Variants in TMEM126A observed in about 807,000 individuals in gnomAD.
TMEM126A encodes transmembrane protein 126A.
A neutral mutation model predicts 18.3 loss-of-function variants in TMEM126A; 10 were observed. The observed-to-expected ratio is 0.55, with a 90% CI of 0.34 to 0.93. The LOEUF is 0.93. Ranked by LOEUF, TMEM126A falls within the 40% of genes least tolerant of loss-of-function variation. The pLI, the probability that TMEM126A is intolerant of heterozygous loss-of-function variation, is 0.02. For synonymous variants in TMEM126A, 68 were observed against 78.1 expected (o/e 0.87, Z 0.68); for missense variants, 246 against 230.2 (o/e 1.07, Z -0.44).
intron 3 of TMEM126A, among the ~76,000 whole-genome samples, chr11:85,654,632 T>C (rs1349379000): frequency 6.6e-6 from 1 of 152,114 alleles, no homozygotes; most frequent in Non-Finnish European, 1.5e-5. Flanking sequence ...TTTGTATTTT[T>C]AGTAGAGACA....
chr11:85,654,357 C>A, intron 3 of TMEM126A, 101 bp downstream of exon 3: 3 of 1,165,540 alleles, frequency 2.6e-6, no homozygotes, highest in South Asian at 1.3e-5. Flanking sequence ...TGCTGTAATG[C>A]AGTTAAGATT....
intron 2 of TMEM126A, among the ~76,000 whole-genome samples, chr11:85,651,670 G>A (rs751537996): frequency 1.3e-5 from 2 of 152,058 alleles, no homozygotes; most frequent in Non-Finnish European, 2.9e-5. Context: ...TTCAGAACAA[G>A]GATCTCCAAG....
intron 1 of TMEM126A, among the ~76,000 whole-genome samples, chr11:85,648,294 G>T (rs1356523545): frequency 6.6e-6 from 1 of 152,224 alleles, no homozygotes; most frequent in Non-Finnish European, 1.5e-5. Flanking sequence ...AGAAATGCCT[G>T]AGATTGAATT....
At chr11:85,654,475 G>C (rs574497310) in intron 3 of TMEM126A, among the ~76,000 whole-genome samples, 6 of 152,256 alleles carry the variant, frequency 3.9e-5, no homozygotes, top group South Asian at 2.1e-4. Context: ...AATTGAGATG[G>C]AGTTTTGCTC....
At chr11:85,648,820 CTT>C (rs1469921514) in intron 1 of TMEM126A, among the ~76,000 whole-genome samples, 3 of 151,948 alleles carry the variant, frequency 2.0e-5, no homozygotes, top group Non-Finnish European at 4.4e-5. Context: ...CAAATGACCT[CTT>C]ATCGATATAA....
chr11:85,653,106 ATC>A (rs1414874845), intron 2 of TMEM126A, among the ~76,000 whole-genome samples: 2 of 152,180 alleles, frequency 1.3e-5, no homozygotes, highest in South Asian at 2.1e-4. Context: ...TCTCGTTTAC[ATC>A]TCTTTCTTCT....
chr11:85,649,592 G>A (rs929515745), intron 1 of TMEM126A, among the ~76,000 whole-genome samples: 1 of 152,118 alleles, frequency 6.6e-6, no homozygotes, highest in African/African-American at 2.4e-5. Flanking sequence ...CAAAGTGACT[G>A]TACAGTTTGG....
In TMEM126A at chr11:85,655,959, A is replaced by C. The variant is rs535248569; in HGVS notation, c.395+251A>C. On this transcript the variant is annotated intron_variant, in intron 4 of 4. Transcript: ENST00000304511. ...AATACTAAACTAACTACAAAGCTGCAAACAGTATTATGCATGAAACTTCTA... is the reference window on the plus strand; with the variant it reads ...AATACTAAACTAACTACAAAGCTGCCAACAGTATTATGCATGAAACTTCTA... Among the ~76,000 whole-genome samples, 6 of 152,302 alleles carry C rather than the reference A, an allele frequency of 3.9e-5. 1 individual carries two copies. The East Asian group carries it at 1.2e-3, about 29-fold the overall frequency.
chr11:85,651,741 C>A (rs577890448), intron 2 of TMEM126A, among the ~76,000 whole-genome samples: 1 of 152,150 alleles, frequency 6.6e-6, no homozygotes, highest in Non-Finnish European at 1.5e-5. Flanking sequence ...CTTTCACCCC[C>A]CCTCCCCACA....
rs11556797 is a variant in TMEM126A, at chr11:85,654,167, G to A, written c.191G>A (p.Arg64His). The A allele has an allele frequency of 1.2e-3, 1,912 of 1,614,118 alleles. 21 individuals are homozygous for A. The African/African-American group carries it at 0.022, about 19-fold the overall frequency. ...CGCATCTTGAATGTGACAAAGGCTC[G>A]CATAGCTGCTGGCTTACCAATGGCA... ...FRRILNVTKA[R>H]IAAGLPMAGI... Residue 64 changes from arginine to histidine, a missense_variant, in exon 3 of 5, where the codon CGC becomes CAC. Physicochemically the swap from Arg to His is conservative, Grantham distance 29. Transcript: ENST00000304511.
chr11:85,650,273 C>T lies in TMEM126A; in HGVS notation c.18C>T (p.Ser6=), dbSNP rs1210787638. MENHK[S]NNKENITIVD... The stretch of plus-strand genomic sequence containing the variant: ...GGCTCAAAATGGAAAATCATAAATC[C>T]AATAATAAGGAAAACATAACAATTG... Residue 6 remains serine, a synonymous_variant, in exon 2 of 5, where the codon TCC becomes TCT. Transcript: ENST00000304511. 1.9e-6 allele frequency: 3 copies of T among 1,597,086 alleles called. No individual in the cohort carries two copies. The highest frequency in any genetic ancestry group is 1.3e-5 in the African/African-American group (1 of 74,338).
chr11:85,650,558 A>C (rs1370568689), intron 2 of TMEM126A, among the ~76,000 whole-genome samples: 1 of 152,204 alleles, frequency 6.6e-6, no homozygotes, highest in African/African-American at 2.4e-5. Context: ...GGACATACCT[A>C]ATTGTATAAT....
At chr11:85,650,374 T>TA in intron 2 of TMEM126A, 33 bp downstream of exon 2, 3 of 1,430,408 alleles carry the variant, frequency 2.1e-6, no homozygotes, top group Non-Finnish European at 3.0e-6. Flanking sequence ...AAACACCTTT[T>TA]ATCAGGTGGA....
At chr11:85,650,394 T>C (rs1396391084) in intron 2 of TMEM126A, 53 bp downstream of exon 2, 5 of 1,254,144 alleles carry the variant, frequency 4.0e-6, no homozygotes, top group East Asian at 2.3e-5. Flanking sequence ...ATTTTCACCA[T>C]TGATTCATTA....
intron 1 of TMEM126A, 127 bp downstream of exon 1, chr11:85,648,216 T>C (rs1254504018): frequency 6.6e-6 from 1 of 152,254 alleles, no homozygotes; most frequent in Non-Finnish European, 1.5e-5. Context: ...AGTTAGCTCT[T>C]CCTGCTGTCT....
At chr11:85,652,806 T>G in intron 2 of TMEM126A, among the ~76,000 whole-genome samples, 1 of 151,334 alleles carries the variant, frequency 6.6e-6, no homozygotes, top group East Asian at 1.9e-4. Flanking sequence ...TATATATGTA[T>G]TTTATATATA....
At chr11:85,654,689 G>A (rs532542556) in intron 3 of TMEM126A, among the ~76,000 whole-genome samples, 28 of 152,226 alleles carry the variant, frequency 1.8e-4, no homozygotes, top group African/African-American at 6.5e-4. Context: ...CTGACCTCAG[G>A]TGATCCACCC....
At position 85,651,097 on chromosome 11, in the gene TMEM126A, T is replaced by TA. The variant is rs1308335886; in HGVS notation, c.86+759dup. Among the ~76,000 whole-genome samples the TA allele has an allele frequency of 2.0e-5, 3 of 147,738 alleles. No individual in the cohort carries two copies. In the East Asian group the frequency reaches 6.0e-4, roughly 29 times the overall value. On this transcript the variant is annotated intron_variant, in intron 2 of 4. Transcript: ENST00000304511. The stretch of plus-strand genomic sequence containing the variant: ...AAAAAAAAAAAAAAAAAAAAGATAT[T>TA]AAAGAGAAAAACCAATATAGGGAAC...
intron 1 of TMEM126A, among the ~76,000 whole-genome samples, chr11:85,650,009 G>C (rs2082487421): frequency 6.6e-6 from 1 of 152,196 alleles, no homozygotes; most frequent in East Asian, 1.9e-4. Context: ...TTTATGTTTA[G>C]TGCTATTTGT....
Sources: allele counts gnomAD v4.1 joint callset (sites outside exome capture counted in the v4.1 genomes callset), GRCh38; gene constraint gnomAD v4.1.1; transcripts MANE v1.5; gene names NCBI Gene and HGNC (gene_info 2026-07-23, HGNC 2026-07-21).